AKAP9: variants seen among roughly 807,000 people sequenced by gnomAD.
AKAP9 encodes the protein A-kinase anchoring protein 9, also known as A-kinase anchor protein 9.
Under a neutral mutation model 488.5 loss-of-function variants are expected in AKAP9, and 311 were observed. That is an observed-to-expected ratio of 0.64 (90% CI 0.58 to 0.70). The LOEUF (loss-of-function observed/expected upper bound fraction) is 0.70, where lower values mean the gene tolerates loss of function less well. Ranked by LOEUF, AKAP9 falls within the 30% of genes least tolerant of loss-of-function variation. AKAP9 has a pLI of 0.00. For synonymous variants in AKAP9, 1,462 were observed against 1,483.5 expected (o/e 0.99, Z 0.33); for missense variants, 4,215 against 4,374.5 (o/e 0.96, Z 1.03).
Position 92,021,864 on chromosome 7 carries a change from A to G in AKAP9, c.3838-374A>G, listed in dbSNP as rs192888826. Among the ~76,000 whole-genome samples, 152 of 152,364 alleles carry G rather than the reference A, an allele frequency of 1.0e-3. 1 individual carries two copies. Among genetic ancestry groups the G allele is most frequent in the South Asian group, 1.7e-3 (8 of 4,824 alleles). ...ATATATCTAGAGATAAACAAGCTGT[A>G]TTAATCAAGTATTGCTAATATAAAA... On this transcript the variant is annotated intron_variant, in intron 12 of 49. Transcript: ENST00000356239.
rs1179787096 is a variant in AKAP9, at chr7:92,066,447, A to G, written c.6231A>G (p.Glu2077=). 6.2e-7 allele frequency: 1 copy of G among 1,613,384 alleles called. No individual in the cohort carries two copies. ...TTTAGGAGCAAGCCATTGACAGAGA[A>G]CATGAGAGAGATGTATTCCAACAGG... is the stretch of plus-strand genomic sequence containing the variant. ...KFLDEQAIDR[E]HERDVFQQEI... is the part of the protein sequence containing the mutation. Residue 2077 remains glutamate (E), a synonymous_variant, in exon 26 of 50, where the codon GAA becomes GAG. Transcript: ENST00000356239.
At chr7:91,983,083 AG>A (rs758524607) in intron 3 of AKAP9, among the ~76,000 whole-genome samples, 105 of 151,448 alleles carry the variant, frequency 6.9e-4, no homozygotes, top group Non-Finnish European at 1.2e-3. Context: ...TTTAAGTTCT[AG>A]GGTACATGTG....
intron 39 of AKAP9, among the ~76,000 whole-genome samples, chr7:92,094,561 G>A (rs1380031894): frequency 3.3e-5 from 5 of 151,878 alleles, no homozygotes; most frequent in East Asian, 3.9e-4. Flanking sequence ...AGGGCCGGGC[G>A]CGGTGGCTCA....
Position 92,077,853 on chromosome 7 carries a change from T to C in AKAP9, c.6923T>C (p.Leu2308Pro). The change falls in exon 30 of 50, where the codon CTT becomes CCT. Residue 2308 changes from leucine to proline, a missense_variant. By Grantham distance (98) the Leu-to-Pro change is moderately conservative. Coordinates refer to ENST00000356239, the MANE Select transcript of AKAP9 (RefSeq NM_005751.5). ...NEQVTKLQQQ[L>P]KITTDNKVIE... ...CAAGTTACGAAACTCCAGCAGCAAC[T>C]TAAAATTACAACAGATAACAAGGTA... is the stretch of plus-strand genomic sequence containing the variant. 6.2e-7 allele frequency: 1 copy of C among 1,613,086 alleles called. No homozygotes were observed. Among genetic ancestry groups the C allele is most frequent in the Non-Finnish European group, 8.5e-7 (1 of 1,179,430 alleles).
At position 92,100,895 on chromosome 7, in the gene AKAP9, G is replaced by A. The variant is rs1290384360; in HGVS notation, c.10936G>A (p.Ala3646Thr). The change falls in exon 45 of 50, where the codon GCC becomes ACC. Residue 3646 changes from alanine to threonine, a missense_variant. By Grantham distance (58) the Ala-to-Thr change is moderately conservative (BLOSUM62 0). This residue lies in a region of AKAP9 where 74 missense variants were observed against 113.0 expected (regional missense o/e 0.65). Coordinates refer to ENST00000356239, the MANE Select transcript of AKAP9 (RefSeq NM_005751.5). ...ATTGAATGGTGGTGCCAACATTGAA[G>A]CCATCATTGCCTCTGAAAAAGAAGT... is the stretch of plus-strand genomic sequence containing the variant. ...FSLNGGANIEAIIASEKEVWN... is the reference protein window; with the variant it reads ...FSLNGGANIETIIASEKEVWN... The A allele has an allele frequency of 1.9e-6, 3 of 1,614,164 alleles. No homozygotes were observed. Among genetic ancestry groups the A allele is most frequent in the Non-Finnish European group, 2.5e-6 (3 of 1,180,032 alleles).
chr7:92,014,354 G>A (rs965114988), intron 10 of AKAP9, 26 bp downstream of exon 10: 2 of 1,496,132 alleles, frequency 1.3e-6, no homozygotes, highest in Non-Finnish European at 1.9e-6. Flanking sequence ...GTACTTTTAT[G>A]GCCAGATGTG....
rs1160546372 is a variant in AKAP9 at position 92,096,832 on chromosome 7, A to T, written c.9873A>T (p.Glu3291Asp). 6.2e-7 allele frequency: 1 copy of T among 1,614,106 alleles called. No homozygotes were observed. Among genetic ancestry groups the T allele is most frequent in the Non-Finnish European group, 8.5e-7 (1 of 1,180,056 alleles). Residue 3291 changes from glutamate to aspartate, a missense_variant, in exon 41 of 50, where the codon GAA (glutamate) becomes GAT (aspartate). This residue lies in a region of AKAP9 where 1,476 missense variants were observed against 1,477.4 expected (regional missense o/e 1.00). Coordinates refer to ENST00000356239, the MANE Select transcript of AKAP9 (RefSeq NM_005751.5). ...RMLYDAQLSE[E>D]QGRNLELQVL... is the part of the protein sequence containing the mutation. ...TATATGATGCCCAGTTGTCAGAAGA[A>T]CAAGGTCGAAACTTAGAGCTTCAGG... is the stretch of plus-strand genomic sequence containing the variant.
rs60778133 is a variant in AKAP9, at chr7:91,998,418, C to CTTTTTTTTTTTTTTTTT, written c.931-2409_931-2393dup. On this transcript the variant is annotated intron_variant, in intron 7 of 49. Transcript: ENST00000356239. ...AGATAGTGTATTCAACCACAGGGCT[C>CTTTTTTTTTTTTTTTTT]TTTTTTTTTTTTTTTTTTTTTTTTT... Among the ~76,000 whole-genome samples, 5 of 53,992 alleles carry CTTTTTTTTTTTTTTTTT rather than the reference C, an allele frequency of 9.3e-5. 1 individual carries two copies. The highest frequency in any genetic ancestry group is 1.6e-4 in the Non-Finnish European group (4 of 25,224). The allele number at this position is 53,992 out of a possible 152,430, so 35.4% of individuals were successfully genotyped here.
chr7:91,953,125 A>G (rs1160587289), intron 1 of AKAP9, among the ~76,000 whole-genome samples: 2 of 152,236 alleles, frequency 1.3e-5, no homozygotes, highest in Admixed American at 6.5e-5. Flanking sequence ...ACAGACAGTG[A>G]GGCAGGAACA....
intron 6 of AKAP9, among the ~76,000 whole-genome samples, chr7:91,995,052 C>T (rs1798219326): frequency 6.6e-6 from 1 of 152,110 alleles, no homozygotes; most frequent in Non-Finnish European, 1.5e-5. Context: ...CAGAAATTAA[C>T]CTGTAGTCAC....
Position 92,002,491 on chromosome 7 carries a change from A to C in AKAP9, c.2574A>C (p.Glu858Asp). 3 of 1,611,412 alleles carry C rather than the reference A, an allele frequency of 1.9e-6. No homozygotes were observed. Among genetic ancestry groups the C allele is most frequent in the Non-Finnish European group, 2.5e-6 (3 of 1,179,174 alleles). The part of the protein sequence containing the change: ...NTFSFAEKNF[E>D]VNYQELQEEY... Reference sequence around the variant, plus strand: ...TTTCATTTGCTGAAAAAAACTTTGAAGTTAACTATCAAGAGTTACAAGAGG... The same window carrying C: ...TTTCATTTGCTGAAAAAAACTTTGACGTTAACTATCAAGAGTTACAAGAGG... The change falls in exon 8 of 50, where the codon GAA becomes GAC. Residue 858 changes from glutamate to aspartate, a missense_variant. Glu to Asp is a conservative substitution (Grantham distance 45). Transcript: ENST00000356239.
At position 92,101,044 on chromosome 7, in the gene AKAP9, T is replaced by G; in HGVS notation, c.11085T>G (p.His3695Gln). 6.2e-7 allele frequency: 1 copy of G among 1,613,514 alleles called. No homozygotes were observed. ...AAACTCTGAGCCCTGATTCTGAACA[T>G]GTCACTTTAAAGGTAGGAGACATCT... Reference protein sequence around the residue: ...LLQTLSPDSEHVTLKRIYGKY... With the variant: ...LLQTLSPDSEQVTLKRIYGKY... Residue 3695 changes from histidine to glutamine, a missense_variant, in exon 45 of 50, where the codon CAT becomes CAG. By Grantham distance (24) the His-to-Gln change is conservative (BLOSUM62 0). Around this residue, in one of 5 missense-constraint regions of AKAP9, gnomAD observed 253 missense variants for 266.8 expected, o/e 0.95. Coordinates refer to ENST00000356239, the MANE Select transcript of AKAP9 (RefSeq NM_005751.5).
At chr7:92,050,592 CCTCT>C (rs898707341) in intron 21 of AKAP9, among the ~76,000 whole-genome samples, 1 of 152,122 alleles carries the variant, frequency 6.6e-6, no homozygotes, top group African/African-American at 2.4e-5. Flanking sequence ...CTCTCTCCTG[CCTCT>C]CTCTGATATT....
chr7:91,981,555 A>T (rs1479630206), intron 3 of AKAP9, among the ~76,000 whole-genome samples: 2 of 151,688 alleles, frequency 1.3e-5, no homozygotes, highest in African/African-American at 2.4e-5. Context: ...ATTGCATTTG[A>T]AAACTTTTTT....
intron 3 of AKAP9, among the ~76,000 whole-genome samples, chr7:91,991,396 C>T (rs1187328753): frequency 6.6e-6 from 1 of 152,032 alleles, no homozygotes; most frequent in Admixed American, 6.5e-5. Context: ...GCACTATATC[C>T]TCAAACTCCT....
chr7:91,941,300 TC>T (rs1790726423), intron 1 of AKAP9, 153 bp downstream of exon 1: 1 of 647,818 alleles, frequency 1.5e-6, no homozygotes. Context: ...CTCCTCGCCC[TC>T]CTCCTTTCCC....
chr7:92,047,511 G>A lies in AKAP9; in HGVS notation c.5368+2298G>A, dbSNP rs534819466. Among the ~76,000 whole-genome samples, 15 of 152,236 alleles carry A rather than the reference G, an allele frequency of 9.9e-5. No homozygotes were observed. In the East Asian group the frequency reaches 1.9e-3, roughly 20 times the overall value. ...TAGAATTACAGGCGTGAGCCACTGC[G>A]ACTGACCATAGTTTTCAATTATAAG... On this transcript the variant is annotated intron_variant, in intron 21 of 49. Coordinates refer to ENST00000356239, the MANE Select transcript of AKAP9 (RefSeq NM_005751.5).
chr7:92,003,599 GTT>G (rs1799437834), intron 8 of AKAP9, among the ~76,000 whole-genome samples: 1 of 151,798 alleles, frequency 6.6e-6, no homozygotes, highest in Admixed American at 6.6e-5. Context: ...TGGTTTCAGC[GTT>G]TTTATTTCAT....
chr7:92,109,049 GAAAAA>G, intron 49 of AKAP9: 2 of 174,434 alleles, frequency 1.1e-5, no homozygotes, highest in South Asian at 1.3e-4. Context: ...CTGTCTCAAA[GAAAAA>G]AAAAAAAAAA....
Sources: allele counts gnomAD v4.1 joint callset (sites outside exome capture counted in the v4.1 genomes callset), GRCh38; gene constraint gnomAD v4.1.1; regional missense constraint gnomAD v4.1.1; transcripts MANE v1.5; gene names NCBI Gene and HGNC (gene_info 2026-07-23, HGNC 2026-07-21).